The following DIAPH2 variants were observed in gnomAD, a reference collection of about 807,000 sequenced individuals.
DIAPH2 encodes protein diaphanous homolog 2.
DIAPH2 carries 35 observed loss-of-function variants against 92.7 expected under a neutral mutation model. That is an observed-to-expected ratio of 0.38 (90% CI 0.29 to 0.50). The LOEUF is 0.50. Among genes scored for constraint, DIAPH2 ranks in the 20% least tolerant of loss-of-function variants. The probability of loss-of-function intolerance (pLI) is 0.94; values close to 1 mark genes in which losing one functional copy is unlikely to be tolerated. For missense variants in DIAPH2, 701 were observed against 819.5 expected (o/e 0.86, Z 1.77); for synonymous variants, 301 against 280.4 (o/e 1.07, Z -0.73).
chrX:96,782,672 G>A (rs1190350102), intron 4 of DIAPH2, among the ~76,000 whole-genome samples: 1 of 111,362 alleles, frequency 9.0e-6, no homozygotes, highest in Non-Finnish European at 1.9e-5. Context: ...GGGCTCAAGC[G>A]ATCTGCCCTC....
chrX:97,367,182 A>C (rs2069388983), intron 24 of DIAPH2, among the ~76,000 whole-genome samples: 1 of 111,966 alleles, frequency 8.9e-6, no homozygotes, highest in Admixed American at 9.5e-5. Context: ...AACTCTATAA[A>C]TAATGGGGTA....
At chrX:97,332,782 TATA>T (rs1206834306) in intron 23 of DIAPH2, among the ~76,000 whole-genome samples, 2 of 111,341 alleles carry the variant, frequency 1.8e-5, no homozygotes, top group African/African-American at 6.5e-5. Context: ...GACTGCACAA[TATA>T]ATGAGAAACA....
At chrX:97,311,740 A>C (rs946204828) in intron 23 of DIAPH2, among the ~76,000 whole-genome samples, 4 of 111,725 alleles carry the variant, frequency 3.6e-5, no homozygotes, top group Non-Finnish European at 5.6e-5. Context: ...CTCCTAAACC[A>C]TAATCCCTGG....
At chrX:96,773,939 G>C (rs903390907) in intron 4 of DIAPH2, among the ~76,000 whole-genome samples, 1 of 111,954 alleles carries the variant, frequency 8.9e-6, no homozygotes, top group Non-Finnish European at 1.9e-5. Context: ...TCTGTTGTTT[G>C]TGTTCCAGTC....
intron 26 of DIAPH2, among the ~76,000 whole-genome samples, chrX:97,507,557 T>A (rs2070845971): frequency 9.0e-6 from 1 of 111,690 alleles, no homozygotes; most frequent in Non-Finnish European, 1.9e-5. Flanking sequence ...TTATATTTGA[T>A]TCTGAAAGCT....
intron 5 of DIAPH2, chrX:96,884,099 G>T: frequency 2.5e-6 from 1 of 404,599 alleles, no homozygotes; most frequent in Non-Finnish European, 4.3e-6. Flanking sequence ...GACCCTGACT[G>T]GCTGGAAGCA....
chrX:96,746,676 C>A (rs1381458842), intron 3 of DIAPH2, among the ~76,000 whole-genome samples: 1 of 110,183 alleles, frequency 9.1e-6, no homozygotes, highest in Admixed American at 9.7e-5. Flanking sequence ...ACCTCAGCAT[C>A]CTGAGTAGCT....
intron 17 of DIAPH2, among the ~76,000 whole-genome samples, chrX:97,052,034 A>G (rs1357428687): frequency 8.9e-6 from 1 of 111,785 alleles, no homozygotes; most frequent in Non-Finnish European, 1.9e-5. Context: ...TTTGAGGACT[A>G]TAGATGACTA....
At chrX:97,098,338 A>G (rs914881038) in intron 19 of DIAPH2, among the ~76,000 whole-genome samples, 2 of 111,732 alleles carry the variant, frequency 1.8e-5, no homozygotes, top group East Asian at 2.8e-4. Context: ...CTCTAAACCT[A>G]TTAAGCAATA....
intron 23 of DIAPH2, among the ~76,000 whole-genome samples, chrX:97,271,407 G>C (rs1237007203): frequency 8.9e-6 from 1 of 111,992 alleles, no homozygotes; most frequent in Non-Finnish European, 1.9e-5. Context: ...ACATTAAATA[G>C]CACTAGAGAA....
chrX:97,074,266 C>T (rs1334470538), intron 18 of DIAPH2, among the ~76,000 whole-genome samples: 3 of 110,824 alleles, frequency 2.7e-5, no homozygotes, highest in African/African-American at 9.8e-5. Flanking sequence ...ATTAGCCGGG[C>T]GTGATGGCTC....
At chrX:97,099,826 C>A in intron 20 of DIAPH2, 31 bp downstream of exon 20, 1 of 904,278 alleles carries the variant, frequency 1.1e-6, no homozygotes, top group Non-Finnish European at 1.5e-6. Context: ...ACCACAAACT[C>A]AGCTGGGAGG....
intron 17 of DIAPH2, among the ~76,000 whole-genome samples, chrX:97,028,275 C>T (rs1453018061): frequency 9.0e-6 from 1 of 111,036 alleles, no homozygotes; most frequent in Non-Finnish European, 1.9e-5. Context: ...CAGTGTGGTA[C>T]CCATGTTTGT....
chrX:97,137,585 TG>T (rs1279545971), intron 21 of DIAPH2, among the ~76,000 whole-genome samples: 1 of 109,648 alleles, frequency 9.1e-6, no homozygotes, highest in African/African-American at 3.3e-5. Context: ...ACATGGGAGT[TG>T]AGTAGTCTGA....
At chrX:96,774,749 A>G (rs934811456) in intron 4 of DIAPH2, among the ~76,000 whole-genome samples, 6 of 111,995 alleles carry the variant, frequency 5.4e-5, no homozygotes, top group Non-Finnish European at 1.1e-4. Context: ...CTTGCCTTTT[A>G]TAATTAATTT....
intron 26 of DIAPH2, among the ~76,000 whole-genome samples, chrX:97,497,787 T>C (rs1232115489): frequency 9.0e-6 from 1 of 110,886 alleles, no homozygotes; most frequent in Non-Finnish European, 1.9e-5. Flanking sequence ...GGAAGCATTC[T>C]CTACTCTGTC....
chrX:97,569,328 A>T (rs2071348611), intron 26 of DIAPH2, among the ~76,000 whole-genome samples: 1 of 111,944 alleles, frequency 8.9e-6, no homozygotes, highest in Non-Finnish European at 1.9e-5. Context: ...AGAGATTTTC[A>T]CTTTTCAATC....
chrX:97,543,785 C>T (rs138131693), intron 26 of DIAPH2, among the ~76,000 whole-genome samples: 114 of 111,106 alleles, frequency 1.0e-3, no homozygotes, highest in Non-Finnish European at 1.8e-3. Context: ...GAATTACAGG[C>T]GTGAGCCACC....
Position 97,336,349 on chromosome X carries a change from G to A in DIAPH2, c.2845-11767G>A, listed in dbSNP as rs768173364. Among the ~76,000 whole-genome samples the A allele has an allele frequency of 8.5e-5, 9 of 105,574 alleles. No homozygotes were observed. In the South Asian group the frequency reaches 1.8e-3, roughly 21 times the overall value. 91.7% of individuals were successfully genotyped at this position (105,574 alleles called of 115,157 possible). The stretch of plus-strand genomic sequence containing the variant: ...AAGCTCCGCCTCCCGGGTTCACGCC[G>A]GTTCTCCTGCCTCAGCCTCCCGAGT... On this transcript the variant is annotated intron_variant, in intron 23 of 26. Coordinates refer to ENST00000324765, the MANE Select transcript of DIAPH2 (RefSeq NM_006729.5).
Sources: allele counts gnomAD v4.1 joint callset (sites outside exome capture counted in the v4.1 genomes callset), GRCh38; gene constraint gnomAD v4.1.1; transcripts MANE v1.5; gene names NCBI Gene and HGNC (gene_info 2026-07-23, HGNC 2026-07-21).